The following ADGRL3 variants were observed in gnomAD, a reference collection of about 807,000 sequenced individuals.
The protein encoded by ADGRL3 is adhesion G protein-coupled receptor L3, also known as calcium-independent alpha-latrotoxin receptor 3.
Under a neutral mutation model 153.5 loss-of-function variants are expected in ADGRL3, and 62 were observed. The ratio of observed to expected loss-of-function variants is 0.40; its 90% CI spans 0.33 to 0.50. The LOEUF (loss-of-function observed/expected upper bound fraction) is 0.50, where lower values mean the gene tolerates loss of function less well. Among genes scored for constraint, ADGRL3 ranks in the 20% least tolerant of loss-of-function variants. ADGRL3 has a pLI of 0.47. For synonymous variants in ADGRL3, 710 were observed against 672.5 expected, an observed-to-expected ratio of 1.06 and a Z score of -0.86; for missense variants, 1,641 against 1,859.4, an observed-to-expected ratio of 0.88 and a Z score of 2.16.
intron 5 of ADGRL3, among the ~76,000 whole-genome samples, chr4:61,602,753 C>A (rs746725265): frequency 2.2e-4 from 33 of 152,132 alleles, no homozygotes; most frequent in Non-Finnish European, 4.6e-4. Context: ...AAAGGCAATT[C>A]AGTATTATTA....
chr4:61,495,494 G>A (rs1451476284), intron 2 of ADGRL3, among the ~76,000 whole-genome samples: 1 of 150,930 alleles, frequency 6.6e-6, no homozygotes, highest in East Asian at 1.9e-4. Flanking sequence ...AGGAAGGAAG[G>A]GGAAGGGAAG....
chr4:61,541,496 T>C (rs902518827), intron 4 of ADGRL3, among the ~76,000 whole-genome samples: 2 of 151,934 alleles, frequency 1.3e-5, no homozygotes, highest in Admixed American at 1.3e-4. Flanking sequence ...TAAGGAAATA[T>C]CAACAGAAAG....
At chr4:61,344,742 T>C (rs2095867446) in intron 1 of ADGRL3, among the ~76,000 whole-genome samples, 1 of 152,060 alleles carries the variant, frequency 6.6e-6, no homozygotes, top group African/African-American at 2.4e-5. Flanking sequence ...TGCATACATC[T>C]CTTTTGCTTG....
chr4:61,547,558 A>G (rs990004839), intron 4 of ADGRL3, among the ~76,000 whole-genome samples: 1 of 151,354 alleles, frequency 6.6e-6, no homozygotes, highest in Non-Finnish European at 1.5e-5. Flanking sequence ...AATGTCCTCA[A>G]GCTCCATCCA....
chr4:61,848,003 A>T (rs1336237682), intron 9 of ADGRL3, among the ~76,000 whole-genome samples: 1 of 11,150 alleles, frequency 9.0e-5, no homozygotes, highest in Non-Finnish European at 1.5e-4. Flanking sequence ...TATAATATAA[A>T]ATATATTATA....
chr4:61,478,148 G>C lies in ADGRL3; in HGVS notation c.-173-18973G>C, dbSNP rs150470004. Among the ~76,000 whole-genome samples the C allele has an allele frequency of 2.9e-4, 44 of 152,078 alleles. No individual in the cohort carries two copies. The East Asian group carries it at 7.9e-3, about 27-fold the overall frequency. ...CAGAATCTTCCATAGCCAATAAAAA[G>C]TTTATATATGTCAGAGTACTTATGG... On this transcript the variant is annotated intron_variant, in intron 2 of 26. Coordinates refer to ENST00000683033, the MANE Select transcript of ADGRL3 (RefSeq NM_001387552.1).
At chr4:61,619,067 C>A (rs1363355122) in intron 5 of ADGRL3, among the ~76,000 whole-genome samples, 1 of 152,058 alleles carries the variant, frequency 6.6e-6, no homozygotes, top group African/African-American at 2.4e-5. Flanking sequence ...TTAGGCAAAG[C>A]AAATCACATG....
intron 8 of ADGRL3, among the ~76,000 whole-genome samples, chr4:61,789,998 G>C (rs189565965): frequency 6.6e-6 from 1 of 152,112 alleles, no homozygotes. Flanking sequence ...ACCTAAATGA[G>C]AGTGTTTAAG....
chr4:62,060,363 G>A (rs1577719002), intron 25 of ADGRL3, among the ~76,000 whole-genome samples: 1 of 151,918 alleles, frequency 6.6e-6, no homozygotes, highest in East Asian at 1.9e-4. Context: ...GCAATGAAGG[G>A]AAATACGGAG....
chr4:61,519,722 A>G (rs1156924301), intron 4 of ADGRL3, among the ~76,000 whole-genome samples: 1 of 152,192 alleles, frequency 6.6e-6, no homozygotes, highest in Non-Finnish European at 1.5e-5. Flanking sequence ...CTTTAAATTG[A>G]AAAGACATGG....
chr4:61,297,426 T>G (rs2094445637), intron 1 of ADGRL3, among the ~76,000 whole-genome samples: 1 of 152,152 alleles, frequency 6.6e-6, no homozygotes, highest in Admixed American at 6.6e-5. Flanking sequence ...TGTCTATACT[T>G]TGAGGAACTA....
At chr4:61,656,453 T>C (rs1162859969) in intron 5 of ADGRL3, among the ~76,000 whole-genome samples, 2 of 152,094 alleles carry the variant, frequency 1.3e-5, no homozygotes, top group African/African-American at 4.8e-5. Context: ...AAGATTAGGG[T>C]AAATACTTAT....
chr4:62,028,752 G>A (rs967623449), intron 21 of ADGRL3, 103 bp from the exon 22 acceptor site: 94 of 808,496 alleles, frequency 1.2e-4, no homozygotes, highest in Non-Finnish European at 1.7e-4. Flanking sequence ...GGGAGGTGGG[G>A]GACAGAGGCC....
Position 61,977,345 on chromosome 4 carries a change from T to C in ADGRL3, c.2806-2218T>C, listed in dbSNP as rs186024083. On this transcript the variant is annotated intron_variant, in intron 17 of 26. Coordinates refer to ENST00000683033, the MANE Select transcript of ADGRL3 (RefSeq NM_001387552.1). ...TGCTTGATTCTCAATCGCAGCATCT[T>C]TCCTTTGAGTCAAAGAAGAGAGCAA... is the stretch of plus-strand genomic sequence containing the variant. 4.6e-5 allele frequency among the ~76,000 whole-genome samples: 7 copies of C among 152,228 alleles called. No homozygotes were observed. The East Asian group carries it at 1.4e-3, about 29-fold the overall frequency.
intron 21 of ADGRL3, among the ~76,000 whole-genome samples, chr4:62,003,060 TAACA>T: frequency 6.6e-6 from 1 of 152,276 alleles, no homozygotes. Flanking sequence ...ATTTGCTTAA[TAACA>T]TCTCAAGTTA....
chr4:61,385,779 A>C (rs898958332), intron 2 of ADGRL3: 1 of 152,202 alleles, frequency 6.6e-6, no homozygotes, highest in Non-Finnish European at 1.5e-5. Flanking sequence ...CAAATAAACT[A>C]TTATATATTC....
At chr4:61,630,609 G>A (rs920485737) in intron 5 of ADGRL3, among the ~76,000 whole-genome samples, 1 of 152,176 alleles carries the variant, frequency 6.6e-6, no homozygotes, top group Non-Finnish European at 1.5e-5. Flanking sequence ...TACTGCTGAA[G>A]TGTGCAAATG....
chr4:61,598,158 T>TA (rs544809662), intron 5 of ADGRL3, among the ~76,000 whole-genome samples: 96 of 148,632 alleles, frequency 6.5e-4, no homozygotes, highest in South Asian at 3.6e-3. Flanking sequence ...GCTGTGACAT[T>TA]AAAAAAAAAA....
At chr4:61,971,230 A>G (rs532465535) in intron 17 of ADGRL3, among the ~76,000 whole-genome samples, 97 of 151,956 alleles carry the variant, frequency 6.4e-4, no homozygotes, top group Non-Finnish European at 2.4e-4. Flanking sequence ...ATATGTATAC[A>G]TGTGCCATGC....
Sources: gnomAD v4.1 joint callset for allele counts (sites outside exome capture counted in the v4.1 genomes callset) on GRCh38, gnomAD v4.1.1 for gene constraint, MANE v1.5 for transcripts, NCBI Gene and HGNC (gene_info 2026-07-23, HGNC 2026-07-21) for gene names.